Variants in PDE4B observed in about 807,000 individuals in gnomAD.
The protein encoded by PDE4B is phosphodiesterase 4B, also known as 3',5'-cyclic-AMP phosphodiesterase 4B.
In PDE4B, 20 loss-of-function variants were observed where a neutral mutation model predicts 82.2. The ratio of observed to expected loss-of-function variants is 0.24; its 90% confidence interval spans 0.17 to 0.35. The LOEUF is 0.35. PDE4B is among the 10% of genes least tolerant of loss of function. The probability of loss-of-function intolerance (pLI) is 1.00; values close to 1 mark genes in which losing one functional copy is unlikely to be tolerated. For missense variants in PDE4B, 655 were observed against 907.2 expected (o/e 0.72, Z 3.57); for synonymous variants, 320 against 318.9 (o/e 1.00, Z -0.04).
At chr1:65,980,237 G>A (rs1650617232) in intron 3 of PDE4B, among the ~76,000 whole-genome samples, 1 of 152,040 alleles carries the variant, frequency 6.6e-6, no homozygotes, top group Non-Finnish European at 1.5e-5. Context: ...ATATAATGAA[G>A]GTATAAAATA....
At chr1:66,004,952 A>G (rs1330164340) in intron 3 of PDE4B, among the ~76,000 whole-genome samples, 1 of 152,086 alleles carries the variant, frequency 6.6e-6, no homozygotes, top group Non-Finnish European at 1.5e-5. Context: ...TTCTCTACTT[A>G]TATGATTTTA....
intron 9 of PDE4B, 120 bp downstream of exon 9, chr1:66,355,740 T>A: frequency 1.9e-6 from 1 of 536,100 alleles, no homozygotes; most frequent in Non-Finnish European, 3.4e-6. Flanking sequence ...GAAAAATCCA[T>A]TTAAAATAAT....
chr1:66,067,835 C>G (rs568940172), intron 3 of PDE4B, among the ~76,000 whole-genome samples: 1 of 150,478 alleles, frequency 6.6e-6, no homozygotes, highest in Non-Finnish European at 1.5e-5. Context: ...TTAGGTCTAA[C>G]ATTTAAGTCT....
intron 3 of PDE4B, among the ~76,000 whole-genome samples, chr1:65,981,211 A>C (rs1650668709): frequency 6.6e-6 from 1 of 152,196 alleles, no homozygotes; most frequent in African/African-American, 2.4e-5. Flanking sequence ...AGATTTTAAC[A>C]CAAGAGACAA....
chr1:66,369,730 A>G (rs1291119886), intron 16 of PDE4B, among the ~76,000 whole-genome samples: 2 of 151,838 alleles, frequency 1.3e-5, no homozygotes, highest in African/African-American at 4.8e-5. Flanking sequence ...TATTTTCAGT[A>G]TTTATCCTCT....
At chr1:66,318,422 C>T (rs1570683243) in intron 7 of PDE4B, among the ~76,000 whole-genome samples, 1 of 152,284 alleles carries the variant, frequency 6.6e-6, no homozygotes, top group East Asian at 1.9e-4. Context: ...TGAGATAGCC[C>T]CTAAGGCATT....
intron 3 of PDE4B, among the ~76,000 whole-genome samples, chr1:66,087,488 C>A (rs149316767): frequency 0.029 from 4,342 of 152,132 alleles, 167 homozygotes; most frequent in African/African-American, 0.089. Flanking sequence ...TGCAGAAGCT[C>A]TTTAATTTAA....
chr1:66,165,565 C>G (rs951638151), intron 3 of PDE4B, among the ~76,000 whole-genome samples: 7 of 151,522 alleles, frequency 4.6e-5, no homozygotes, highest in African/African-American at 1.7e-4. Flanking sequence ...GATATAAGAT[C>G]AATACATACA....
chr1:65,974,722 G>T lies in PDE4B; in HGVS notation c.281+55887G>T, dbSNP rs150227818. ...CAAGATCTGATGGTTTAAAGTGTGT[G>T]GCACTTCCCCCTTGCTCTCTTTCTC... is the stretch of plus-strand genomic sequence containing the variant. On this transcript the variant is annotated intron_variant, in intron 3 of 16. Transcript: ENST00000341517. 5.4e-3 allele frequency among the ~76,000 whole-genome samples: 828 copies of T among 152,170 alleles called. 4 individuals carry two copies. The highest frequency in any genetic ancestry group is 0.019 in the African/African-American group (785 of 41,532).
intron 3 of PDE4B, among the ~76,000 whole-genome samples, chr1:65,957,867 A>AACCAG (rs1241653799): frequency 4.6e-5 from 7 of 152,138 alleles, no homozygotes; most frequent in Non-Finnish European, 1.0e-4. Flanking sequence ...TTGACATTAC[A>AACCAG]ACCAGCTGTT....
rs1646611046 is a variant in PDE4B, at chr1:66,161,431, C to A, written c.282-86029C>A. Among the ~76,000 whole-genome samples the A allele has an allele frequency of 2.0e-5, 3 of 152,114 alleles. No homozygotes were observed. The South Asian group carries it at 6.2e-4, about 32-fold the overall frequency. On this transcript the variant is annotated intron_variant, in intron 3 of 16. Coordinates refer to ENST00000341517, the MANE Select transcript of PDE4B (RefSeq NM_002600.4). ...GAATAATCTTACCCTAAATGCATTT[C>A]TGGTTTAATACTCAATTCTTTGTAA...
At chr1:65,945,898 TG>T (rs948126149) in intron 3 of PDE4B, among the ~76,000 whole-genome samples, 1 of 152,016 alleles carries the variant, frequency 6.6e-6, no homozygotes, top group African/African-American at 2.4e-5. Context: ...TTTTCATACC[TG>T]GTCTTCCAAT....
chr1:66,303,058 T>C (rs1658013649), intron 7 of PDE4B, among the ~76,000 whole-genome samples: 1 of 152,158 alleles, frequency 6.6e-6, no homozygotes, highest in Non-Finnish European at 1.5e-5. Context: ...TGTTGGAATA[T>C]AGCTCCATTT....
intron 16 of PDE4B, 111 bp downstream of exon 16, chr1:66,369,080 G>A (rs1557735266): frequency 3.9e-6 from 3 of 760,608 alleles, no homozygotes; most frequent in Non-Finnish European, 6.0e-6. Flanking sequence ...AAACAATAAG[G>A]AGACAACTAC....
intron 3 of PDE4B, chr1:65,993,120 C>T: frequency 1.2e-6 from 2 of 1,613,482 alleles, no homozygotes; most frequent in Non-Finnish European, 1.7e-6. Context: ...GCAGCGTCGT[C>T]GCTTCACTGT....
intron 3 of PDE4B, among the ~76,000 whole-genome samples, chr1:66,176,819 A>G (rs115283203): frequency 0.01 from 1,568 of 152,282 alleles, 27 homozygotes; most frequent in African/African-American, 0.036. Flanking sequence ...ATTAATCTTT[A>G]TTTTCCTTAT....
At position 66,363,515 on chromosome 1, in the gene PDE4B, C is replaced by A; in HGVS notation, c.1228C>A (p.His410Asn). The stretch of plus-strand genomic sequence containing the variant: ...TGACGTGGCATATCACAACAGCCTG[C>A]ACGCTGCTGATGTAGCCCAGTCGAC... Reference protein sequence around the residue: ...HSDVAYHNSLHAADVAQSTHV... With the variant: ...HSDVAYHNSLNAADVAQSTHV... Residue 410 changes from histidine (H) to asparagine (N), a missense_variant, in exon 12 of 17, where the codon CAC becomes AAC. By Grantham distance (68) the His-to-Asn change is moderately conservative (BLOSUM62 1). Transcript: ENST00000341517. The A allele has an allele frequency of 6.2e-7, 1 of 1,613,690 alleles. No individual in the cohort carries two copies. The highest frequency in any genetic ancestry group is 8.5e-7 in the Non-Finnish European group (1 of 1,179,738).
chr1:65,967,913 A>T (rs114825056), intron 3 of PDE4B, among the ~76,000 whole-genome samples: 1,762 of 152,224 alleles, frequency 0.012, 34 homozygotes, highest in African/African-American at 0.04. Flanking sequence ...AGAAATACTA[A>T]TGTAGATAAT....
intron 3 of PDE4B, among the ~76,000 whole-genome samples, chr1:66,064,783 CTT>C (rs1655758649): frequency 1.3e-5 from 2 of 151,938 alleles, no homozygotes; most frequent in South Asian, 4.1e-4. Flanking sequence ...AGTGCCAACT[CTT>C]AACTATTAGT....
Sources: allele counts gnomAD v4.1 joint callset (sites outside exome capture counted in the v4.1 genomes callset), GRCh38; gene constraint gnomAD v4.1.1; transcripts MANE v1.5; gene names NCBI Gene and HGNC (gene_info 2026-07-23, HGNC 2026-07-21).